GRIK2: variants seen among roughly 807,000 people sequenced by gnomAD.
The protein encoded by GRIK2 is glutamate ionotropic receptor kainate type subunit 2.
In GRIK2, 32 loss-of-function variants were observed where a neutral mutation model predicts 100.3. The observed-to-expected ratio is 0.32, with a 90% confidence interval of 0.24 to 0.43. The LOEUF is 0.43. Among genes scored for constraint, GRIK2 ranks in the 20% least tolerant of loss-of-function variants. GRIK2 has a pLI of 1.00. For synonymous variants in GRIK2, 417 were observed against 389.4 expected (o/e 1.07, Z -0.83); for missense variants, 843 against 1,114.9 (o/e 0.76, Z 3.47).
At chr6:101,573,951 CTT>C (rs1182632585) in intron 2 of GRIK2, among the ~76,000 whole-genome samples, 1 of 151,962 alleles carries the variant, frequency 6.6e-6, no homozygotes, top group Non-Finnish European at 1.5e-5. Flanking sequence ...TCTAACTAGA[CTT>C]GATGTTTTTT....
intron 7 of GRIK2, among the ~76,000 whole-genome samples, chr6:101,798,811 C>T (rs944849856): frequency 1.3e-5 from 2 of 152,108 alleles, no homozygotes; most frequent in Non-Finnish European, 2.9e-5. Flanking sequence ...CCATTTAACA[C>T]AGCACTTGAA....
intron 14 of GRIK2, among the ~76,000 whole-genome samples, chr6:101,962,743 T>C (rs954438958): frequency 1.3e-5 from 2 of 152,166 alleles, no homozygotes; most frequent in African/African-American, 4.8e-5. Flanking sequence ...TTGTTCCTTT[T>C]TTGATAAATT....
intron 11 of GRIK2, among the ~76,000 whole-genome samples, chr6:101,881,683 A>T: frequency 6.9e-6 from 1 of 144,158 alleles, no homozygotes; most frequent in Middle Eastern, 3.6e-3. Context: ...CACATCTCTA[A>T]AAAAAAAAAA....
chr6:101,716,315 A>T (rs1459844868), intron 7 of GRIK2, among the ~76,000 whole-genome samples: 3 of 151,774 alleles, frequency 2.0e-5, no homozygotes, highest in African/African-American at 7.2e-5. Context: ...GAGGAAAGGT[A>T]TACTATAATG....
At chr6:101,671,134 T>C (rs2128337924) in intron 4 of GRIK2, among the ~76,000 whole-genome samples, 1 of 152,294 alleles carries the variant, frequency 6.6e-6, no homozygotes, top group South Asian at 2.1e-4. Flanking sequence ...GTGAGAATGA[T>C]AGAAATTTAA....
At chr6:101,718,316 G>A (rs1340739870) in intron 7 of GRIK2, among the ~76,000 whole-genome samples, 1 of 151,628 alleles carries the variant, frequency 6.6e-6, no homozygotes, top group African/African-American at 2.4e-5. Context: ...AAACCATTGG[G>A]TGCCAGATAC....
intron 14 of GRIK2, among the ~76,000 whole-genome samples, chr6:101,980,494 C>A (rs558959496): frequency 1.2e-4 from 18 of 151,972 alleles, no homozygotes; most frequent in African/African-American, 4.3e-4. Flanking sequence ...AGACTTTTTA[C>A]AACCTTTGCT....
intron 10 of GRIK2, among the ~76,000 whole-genome samples, chr6:101,848,284 A>C (rs1356850082): frequency 6.6e-6 from 1 of 151,692 alleles, no homozygotes; most frequent in East Asian, 2.0e-4. Context: ...TCAATTCTAG[A>C]GTTATTTAAA....
chr6:101,767,481 AAAT>A (rs1432226952), intron 7 of GRIK2, among the ~76,000 whole-genome samples: 1 of 152,176 alleles, frequency 6.6e-6, no homozygotes. Flanking sequence ...TTTTACACCT[AAAT>A]AATGTACATT....
chr6:101,942,289 A>T lies in GRIK2; in HGVS notation c.2085+13657A>T, dbSNP rs1791004240. On this transcript the variant is annotated intron_variant, in intron 14 of 16. Transcript: ENST00000369134. The stretch of plus-strand genomic sequence containing the variant: ...TCGTTTAGCATCATCTCCATTTTCA[A>T]GTAGTTCTTTATAGCACTGTGAAAC... 1.3e-5 allele frequency among the ~76,000 whole-genome samples: 2 copies of T among 152,146 alleles called. 1 individual carries two copies. Among genetic ancestry groups the T allele is most frequent in the South Asian group, 4.1e-4 (2 of 4,834 alleles).
intron 2 of GRIK2, among the ~76,000 whole-genome samples, chr6:101,594,228 T>C (rs1195528504): frequency 6.6e-6 from 1 of 151,792 alleles, no homozygotes; most frequent in Non-Finnish European, 1.5e-5. Flanking sequence ...GCTTTATCAG[T>C]AATTTATTTT....
At chr6:101,849,387 T>C in intron 10 of GRIK2, among the ~76,000 whole-genome samples, 1 of 152,140 alleles carries the variant, frequency 6.6e-6, no homozygotes, top group South Asian at 2.1e-4. Flanking sequence ...TGAGCACCTC[T>C]TGAGCCCTTA....
intron 4 of GRIK2, among the ~76,000 whole-genome samples, chr6:101,628,124 A>G (rs1582852999): frequency 6.6e-6 from 1 of 152,270 alleles, no homozygotes; most frequent in Admixed American, 6.6e-5. Flanking sequence ...AAATTCTCTC[A>G]AAGTATGCCA....
At chr6:101,523,854 G>C (rs1775010943) in intron 2 of GRIK2, among the ~76,000 whole-genome samples, 2 of 151,678 alleles carry the variant, frequency 1.3e-5, no homozygotes, top group Admixed American at 1.3e-4. Context: ...CAAATAGCTG[G>C]GATTACAGGT....
intron 13 of GRIK2, among the ~76,000 whole-genome samples, chr6:101,925,215 T>A (rs1269604737): frequency 6.6e-6 from 1 of 152,146 alleles, no homozygotes; most frequent in East Asian, 1.9e-4. Context: ...ACTTTTTGAG[T>A]AAAATATTAG....
chr6:102,036,489 G>A (rs969730575), intron 15 of GRIK2, among the ~76,000 whole-genome samples: 17 of 151,256 alleles, frequency 1.1e-4, no homozygotes, highest in African/African-American at 4.1e-4. Flanking sequence ...AACCAGGTGC[G>A]TCCAATGTAA....
chr6:101,400,078 G>A (rs1459575078), intron 2 of GRIK2, among the ~76,000 whole-genome samples: 1 of 152,170 alleles, frequency 6.6e-6, no homozygotes, highest in African/African-American at 2.4e-5. Context: ...TTAACTTGCT[G>A]AGTCCCCCTC....
chr6:102,017,087 A>C (rs1769154271), intron 14 of GRIK2, among the ~76,000 whole-genome samples: 1 of 152,156 alleles, frequency 6.6e-6, no homozygotes, highest in African/African-American at 2.4e-5. Context: ...GAGGGAATTC[A>C]TTACCTCTAG....
intron 2 of GRIK2, among the ~76,000 whole-genome samples, chr6:101,595,714 G>GTATATATATATATATA (rs1213458153): frequency 1.8e-3 from 229 of 129,518 alleles, no homozygotes; most frequent in African/African-American, 5.5e-3. Flanking sequence ...GTGTGTGTGT[G>GTATATATATATATATA]TGTGTATATA....
Sources: gnomAD v4.1 joint callset for allele counts (sites outside exome capture counted in the v4.1 genomes callset) on GRCh38, gnomAD v4.1.1 for gene constraint, MANE v1.5 for transcripts, NCBI Gene and HGNC (gene_info 2026-07-23, HGNC 2026-07-21) for gene names.